DNAH14: variants seen among roughly 807,000 people sequenced by gnomAD.
DNAH14 encodes dynein axonemal heavy chain 14, also known as axonemal beta dynein heavy chain 14.
Under a neutral mutation model 520.9 loss-of-function variants are expected in DNAH14, and 478 were observed. The ratio of observed to expected loss-of-function variants is 0.92; its 90% CI spans 0.85 to 0.99. The LOEUF (loss-of-function observed/expected upper bound fraction) is 0.99. Among genes scored for constraint, DNAH14 ranks in the 50% least tolerant of loss-of-function variants. The pLI, the probability that DNAH14 is intolerant of heterozygous loss-of-function variation, is 0.00. For synonymous variants in DNAH14, 1,581 were observed against 1,757.2 expected, an observed-to-expected ratio of 0.90 and a Z score of 2.51; for missense variants, 4,831 against 5,234.5, an observed-to-expected ratio of 0.92 and a Z score of 2.38.
Position 225,100,761 on chromosome 1 carries a change from G to C in DNAH14, c.3744G>C (p.Trp1248Cys), listed in dbSNP as rs1256486037. The C allele has an allele frequency of 2.6e-6, 4 of 1,535,480 alleles. No homozygotes were observed. In the South Asian group the frequency reaches 5.0e-5, roughly 19 times the overall value. Residue 1248 changes from tryptophan to cysteine, a missense_variant, in exon 23 of 86, where the codon TGG becomes TGC. By Grantham distance (215) the Trp-to-Cys change is radical (BLOSUM62 -2). Coordinates refer to ENST00000682510, the MANE Select transcript of DNAH14 (RefSeq NM_001367479.1). ...TELFSQVISM[W>C]KKIMSKIQNK... The stretch of plus-strand genomic sequence containing the variant: ...TTTTCTCTCAAGTGATTTCCATGTG[G>C]AAAAAAATAATGTCAAAAATACAAA...
intron 42 of DNAH14, 46 bp downstream of exon 42, chr1:225,231,197 G>A: frequency 2.3e-6 from 3 of 1,322,568 alleles, no homozygotes; most frequent in Middle Eastern, 1.8e-4. Flanking sequence ...ACCATTAGGT[G>A]CCAGACCCTC....
rs572210788 is a variant in DNAH14 at position 225,082,852 on chromosome 1, G to A, written c.3327+113G>A. 17 of 844,782 alleles carry A rather than the reference G, an allele frequency of 2.0e-5. No homozygotes were observed. In the East Asian group the frequency reaches 3.6e-4, roughly 18 times the overall value. The allele number at this position is 844,782 out of a possible 1,614,324, so 52.3% of individuals were successfully genotyped here. A position where few individuals can be genotyped will look rare whatever the true frequency, so the allele number is the denominator to read the frequency against. On this transcript the variant is annotated intron_variant, in intron 20 of 85. Coordinates refer to ENST00000682510, the MANE Select transcript of DNAH14 (RefSeq NM_001367479.1). ...ATTAGGAAAGGAAGTTTATAAGAGT[G>A]CCTGGGAAAATAATAGTACATTTGT...
At chr1:225,388,590 A>C in intron 82 of DNAH14, 99 bp downstream of exon 82, 1 of 657,230 alleles carries the variant, frequency 1.5e-6, no homozygotes, top group African/African-American at 1.8e-5. Context: ...GGGTTCTCAC[A>C]GTAATGTGTG....
chr1:225,387,153 C>T lies in DNAH14; in HGVS notation c.13078-1226C>T, dbSNP rs900993362. Reference sequence around the variant, plus strand: ...ATTGCAAGGACAGAAAACCAAACACCGCATATTCTCACTCATAGGTGGGAA... The same window carrying T: ...ATTGCAAGGACAGAAAACCAAACACTGCATATTCTCACTCATAGGTGGGAA... On this transcript the variant is annotated intron_variant, in intron 81 of 85. Transcript: ENST00000682510. Among the ~76,000 whole-genome samples the T allele has an allele frequency of 1.5e-4, 23 of 151,286 alleles. 1 individual carries two copies. Among genetic ancestry groups the T allele is most frequent in the South Asian group, 6.3e-4 (3 of 4,786 alleles).
chr1:225,302,579 T>C (rs1435609546), intron 56 of DNAH14, among the ~76,000 whole-genome samples: 1 of 152,144 alleles, frequency 6.6e-6, no homozygotes, highest in Non-Finnish European at 1.5e-5. Context: ...CTGTTGCCAG[T>C]CTTGCCAAGA....
chr1:225,365,636 C>T (rs539349952), intron 76 of DNAH14, among the ~76,000 whole-genome samples: 32 of 152,236 alleles, frequency 2.1e-4, no homozygotes, highest in East Asian at 7.7e-4. Context: ...CCCAACATCC[C>T]GGTTCCTGGG....
chr1:225,292,129 C>T (rs1257103312), intron 55 of DNAH14, among the ~76,000 whole-genome samples: 2 of 151,984 alleles, frequency 1.3e-5, no homozygotes, highest in Admixed American at 6.6e-5. Flanking sequence ...TTTATATTTG[C>T]TTTTGTTGCC....
chr1:225,049,047 A>ATT lies in DNAH14; in HGVS notation c.1913-1134_1913-1133dup, dbSNP rs71170051. ...AAATGTCTTTTTAGATCTCTTGCCT[A>ATT]TTTTTTTTTTTTTTTTTTTTTTTTT... On this transcript the variant is annotated intron_variant, in intron 15 of 85. Coordinates refer to ENST00000682510, the MANE Select transcript of DNAH14 (RefSeq NM_001367479.1). 1.5e-3 allele frequency among the ~76,000 whole-genome samples: 85 copies of ATT among 56,302 alleles called. 20 individuals are homozygous for ATT. Among genetic ancestry groups the ATT allele is most frequent in the Middle Eastern group, 0.014 (1 of 72 alleles). The allele number at this position is 56,302 out of a possible 152,430, so 36.9% of individuals were successfully genotyped here.
intron 38 of DNAH14, among the ~76,000 whole-genome samples, chr1:225,202,310 G>A (rs375258086): frequency 6.6e-6 from 1 of 152,190 alleles, no homozygotes; most frequent in Non-Finnish European, 1.5e-5. Context: ...GGACCATTAG[G>A]TGGGGATGAG....
intron 27 of DNAH14, among the ~76,000 whole-genome samples, chr1:225,135,282 T>C (rs1235974341): frequency 1.3e-5 from 2 of 152,202 alleles, no homozygotes; most frequent in Non-Finnish European, 2.9e-5. Flanking sequence ...CTTTCTGATG[T>C]GGGCATTTAG....
At chr1:224,973,028 G>T (rs1045601976) in intron 7 of DNAH14, among the ~76,000 whole-genome samples, 1 of 152,122 alleles carries the variant, frequency 6.6e-6, no homozygotes, top group Non-Finnish European at 1.5e-5. Context: ...ATCTTCTAGG[G>T]TTCTGAGATA....
chr1:225,035,412 T>G (rs774219417), intron 11 of DNAH14, among the ~76,000 whole-genome samples: 1 of 152,106 alleles, frequency 6.6e-6, no homozygotes, highest in Non-Finnish European at 1.5e-5. Flanking sequence ...CTGATCTTTA[T>G]TGTTTCTTTT....
In DNAH14 at chr1:225,159,894, T is replaced by C. The variant is rs566545250; in HGVS notation, c.5445+409T>C. Among the ~76,000 whole-genome samples, 98 of 152,304 alleles carry C rather than the reference T, an allele frequency of 6.4e-4. 3 individuals are homozygous for C. In the South Asian group the frequency reaches 0.019, roughly 30 times the overall value. On this transcript the variant is annotated intron_variant, in intron 35 of 85. Coordinates refer to ENST00000682510, the MANE Select transcript of DNAH14 (RefSeq NM_001367479.1). ...CATATTATAATGACAAAGTCCTTTATTGTTTCTCTTATATCTATAGCCTCA... is the reference window on the plus strand; with the variant it reads ...CATATTATAATGACAAAGTCCTTTACTGTTTCTCTTATATCTATAGCCTCA...
At chr1:225,037,969 T>C (rs975883584) in intron 11 of DNAH14, among the ~76,000 whole-genome samples, 1 of 152,210 alleles carries the variant, frequency 6.6e-6, no homozygotes, top group Non-Finnish European at 1.5e-5. Flanking sequence ...ATTACAGGCA[T>C]GAGCCACCAT....
At chr1:225,244,811 G>T (rs1057101393) in intron 43 of DNAH14, among the ~76,000 whole-genome samples, 1 of 151,746 alleles carries the variant, frequency 6.6e-6, no homozygotes, top group Non-Finnish European at 1.5e-5. Context: ...CTCTTGGATG[G>T]TTGATCTTAT....
intron 71 of DNAH14, among the ~76,000 whole-genome samples, chr1:225,351,430 T>G (rs2095365086): frequency 6.6e-6 from 1 of 152,148 alleles, no homozygotes; most frequent in African/African-American, 2.4e-5. Context: ...ATAAATTTAC[T>G]TATATTTTTA....
At chr1:225,328,046 A>G (rs942097376) in intron 64 of DNAH14, among the ~76,000 whole-genome samples, 1 of 152,104 alleles carries the variant, frequency 6.6e-6, no homozygotes, top group Admixed American at 6.5e-5. Flanking sequence ...TTAATAAAAT[A>G]GTTTCTGAAA....
intron 27 of DNAH14, among the ~76,000 whole-genome samples, chr1:225,134,014 T>C (rs2078724384): frequency 6.6e-6 from 1 of 152,122 alleles, no homozygotes; most frequent in Admixed American, 6.5e-5. Flanking sequence ...CATTCATGAT[T>C]TGGCTCTCTG....
In DNAH14 at chr1:225,289,954, T is replaced by C; in HGVS notation, c.8341T>C (p.Tyr2781His). 1.3e-6 allele frequency: 2 copies of C among 1,538,946 alleles called. No homozygotes were observed. Among genetic ancestry groups the C allele is most frequent in the South Asian group, 1.2e-5 (1 of 81,892 alleles). Reference protein sequence around the residue: ...LACYLTDNKLYRVPISHKCAY... With the variant: ...LACYLTDNKLHRVPISHKCAY... ...CTGTTATTTGACAGATAATAAACTATACCGAGTGCCTATATCTCACAAATG... is the reference window on the plus strand; with the variant it reads ...CTGTTATTTGACAGATAATAAACTACACCGAGTGCCTATATCTCACAAATG... The change falls in exon 55 of 86, where the codon TAC becomes CAC. Residue 2781 changes from tyrosine (Y) to histidine (H), a missense_variant. Transcript: ENST00000682510.
Sources: allele counts gnomAD v4.1 joint callset (sites outside exome capture counted in the v4.1 genomes callset), GRCh38; gene constraint gnomAD v4.1.1; transcripts MANE v1.5; gene names NCBI Gene and HGNC (gene_info 2026-07-23, HGNC 2026-07-21).